CDH2: variants seen among roughly 807,000 people sequenced by gnomAD.
CDH2 encodes the protein cadherin 2, also known as cadherin-2.
Under a neutral mutation model 92.0 loss-of-function variants are expected in CDH2, and 17 were observed. That is an observed-to-expected ratio of 0.18 (90% CI 0.13 to 0.28). The LOEUF (loss-of-function observed/expected upper bound fraction) is 0.28, where lower values mean the gene tolerates loss of function less well. Among genes scored for constraint, CDH2 ranks in the 10% least tolerant of loss-of-function variants. The pLI is 1.00. For synonymous variants in CDH2, 419 were observed against 415.9 expected (o/e 1.01, Z -0.09); for missense variants, 862 against 1,133.1 (o/e 0.76, Z 3.44).
At chr18:28,094,457 C>T (rs1475548358) in intron 2 of CDH2, among the ~76,000 whole-genome samples, 3 of 151,956 alleles carry the variant, frequency 2.0e-5, no homozygotes, top group Non-Finnish European at 2.9e-5. Context: ...CACTGCACTA[C>T]AGCCTGGGAG....
chr18:28,043,749 A>G (rs567423491), intron 2 of CDH2, among the ~76,000 whole-genome samples: 5 of 151,600 alleles, frequency 3.3e-5, no homozygotes, highest in African/African-American at 1.2e-4. Flanking sequence ...TGATTTTCTA[A>G]GGTCAAGAGT....
At chr18:28,159,499 T>C (rs2016272592) in intron 1 of CDH2, among the ~76,000 whole-genome samples, 1 of 152,184 alleles carries the variant, frequency 6.6e-6, no homozygotes, top group Non-Finnish European at 1.5e-5. Flanking sequence ...ACAGGTCCTA[T>C]TTACTGGGCC....
At chr18:27,934,368 ATTTCT>A (rs973368013) in intron 6 of CDH2, among the ~76,000 whole-genome samples, 2 of 152,132 alleles carry the variant, frequency 1.3e-5, no homozygotes, top group Non-Finnish European at 2.9e-5. Flanking sequence ...TGAGGTACAG[ATTTCT>A]TTTCAAACCA....
chr18:28,014,025 G>C (rs2013174749), intron 2 of CDH2, 116 bp from the exon 3 acceptor site: 1 of 667,382 alleles, frequency 1.5e-6, no homozygotes, highest in Admixed American at 2.9e-5. Flanking sequence ...ACAGTAGCAT[G>C]AAACACAGAA....
intron 7 of CDH2, among the ~76,000 whole-genome samples, chr18:28,000,619 G>A (rs1385342720): frequency 6.6e-6 from 1 of 152,090 alleles, no homozygotes; most frequent in Admixed American, 6.6e-5. Flanking sequence ...GACATGAAAT[G>A]GAAAGGCCAG....
chr18:27,979,865 G>A (rs186087869), intron 14 of CDH2, among the ~76,000 whole-genome samples: 7 of 152,316 alleles, frequency 4.6e-5, no homozygotes, highest in Admixed American at 2.0e-4. Flanking sequence ...AATGTTCTTT[G>A]TTGGTGTGAG....
At chr18:28,067,303 C>T (rs17535796) in intron 2 of CDH2, among the ~76,000 whole-genome samples, 132 of 152,202 alleles carry the variant, frequency 8.7e-4, no homozygotes, top group African/African-American at 3.1e-3. Context: ...TTACCACAAC[C>T]AATTTTAGAA....
At chr18:27,970,235 C>A (rs1393717599) in intron 14 of CDH2, among the ~76,000 whole-genome samples, 1 of 152,138 alleles carries the variant, frequency 6.6e-6, no homozygotes, top group Non-Finnish European at 1.5e-5. Context: ...CATTTCTTAA[C>A]CCTTCCAAGC....
At chr18:27,954,177 A>T (rs772829440) in intron 15 of CDH2, among the ~76,000 whole-genome samples, 12 of 152,244 alleles carry the variant, frequency 7.9e-5, no homozygotes, top group Non-Finnish European at 1.8e-4. Flanking sequence ...AAATAACTTT[A>T]GATAGGATTT....
At chr18:27,975,542 C>T (rs367707110) in intron 14 of CDH2, among the ~76,000 whole-genome samples, 13 of 152,204 alleles carry the variant, frequency 8.5e-5, no homozygotes, top group Admixed American at 3.9e-4. Context: ...AAGCAAACTC[C>T]GTGCAGGCCC....
chr18:28,166,173 T>TATATATATATATATA (rs1491480645), intron 1 of CDH2, among the ~76,000 whole-genome samples: 1 of 136,890 alleles, frequency 7.3e-6, no homozygotes. Context: ...TATATATATA[T>TATATATATATATATA]GTCTGTATTT....
At chr18:28,086,349 G>A (rs1048168206) in intron 2 of CDH2, among the ~76,000 whole-genome samples, 4 of 151,866 alleles carry the variant, frequency 2.6e-5, no homozygotes, top group Admixed American at 2.0e-4. Flanking sequence ...CTCTACTACT[G>A]TATAGTTCCG....
intron 2 of CDH2, among the ~76,000 whole-genome samples, chr18:28,099,355 G>A (rs1448104351): frequency 6.6e-6 from 1 of 152,082 alleles, no homozygotes; most frequent in Non-Finnish European, 1.5e-5. Context: ...AGGTCAAGAG[G>A]ACTTTAACTT....
intron 2 of CDH2, among the ~76,000 whole-genome samples, chr18:28,138,686 G>A (rs750749355): frequency 2.0e-5 from 3 of 151,980 alleles, no homozygotes; most frequent in Non-Finnish European, 4.4e-5. Flanking sequence ...CCACTATTGC[G>A]CAGTTCCTTG....
At chr18:28,176,224 C>T (rs112997478) in intron 1 of CDH2, among the ~76,000 whole-genome samples, 1 of 152,176 alleles carries the variant, frequency 6.6e-6, no homozygotes, top group African/African-American at 2.4e-5. Flanking sequence ...CACAGGCAGC[C>T]GGACAGAGAA....
chr18:27,948,267 G>A (rs976455293), downstream of CDH2, among the ~76,000 whole-genome samples: 1 of 146,916 alleles, frequency 6.8e-6, no homozygotes, highest in Non-Finnish European at 1.5e-5. Context: ...GTGTGTATAT[G>A]GCAAAGAATG....
intron 2 of CDH2, among the ~76,000 whole-genome samples, chr18:28,133,265 C>T (rs564116984): frequency 2.2e-4 from 34 of 152,082 alleles, no homozygotes; most frequent in Non-Finnish European, 4.0e-4. Flanking sequence ...TTTTGCAGGG[C>T]TAAAAACTAA....
chr18:28,125,889 A>C (rs1015831615), intron 2 of CDH2, among the ~76,000 whole-genome samples: 1 of 152,190 alleles, frequency 6.6e-6, no homozygotes, highest in African/African-American at 2.4e-5. Flanking sequence ...TAGAAAATAC[A>C]CAAGGTGGTT....
chr18:28,048,120 T>C (rs1298651329), intron 2 of CDH2, among the ~76,000 whole-genome samples: 1 of 152,060 alleles, frequency 6.6e-6, no homozygotes, highest in Non-Finnish European at 1.5e-5. Flanking sequence ...AGTCACTTTC[T>C]ATTCGATTCT....
Sources: gnomAD v4.1 joint callset for allele counts (sites outside exome capture counted in the v4.1 genomes callset) on GRCh38, gnomAD v4.1.1 for gene constraint, MANE v1.5 for transcripts, NCBI Gene and HGNC (gene_info 2026-07-23, HGNC 2026-07-21) for gene names.